The following FTO variants were observed in gnomAD, a reference collection of about 807,000 sequenced individuals.
The protein encoded by FTO is FTO alpha-ketoglutarate dependent dioxygenase, also known as alpha-ketoglutarate-dependent dioxygenase FTO.
FTO carries 47 observed loss-of-function variants against 63.9 expected under a neutral mutation model. The observed-to-expected ratio is 0.74, with a 90% CI of 0.58 to 0.94. The LOEUF (loss-of-function observed/expected upper bound fraction) is 0.94, where lower values mean the gene tolerates loss of function less well. FTO is among the 40% of genes least tolerant of loss of function. The pLI is 0.00. For synonymous variants in FTO, 207 were observed against 224.4 expected (o/e 0.92, Z 0.69); for missense variants, 562 against 618.1 (o/e 0.91, Z 0.96).
At chr16:54,087,788 C>A (rs1173287903) in intron 8 of FTO, among the ~76,000 whole-genome samples, 3 of 152,142 alleles carry the variant, frequency 2.0e-5, no homozygotes, top group Non-Finnish European at 4.4e-5. Flanking sequence ...CCGAGTGAGA[C>A]CCTATCTCTA....
intron 1 of FTO, among the ~76,000 whole-genome samples, chr16:53,789,518 T>G (rs1361630395): frequency 6.6e-6 from 1 of 152,160 alleles, no homozygotes; most frequent in Non-Finnish European, 1.5e-5. Context: ...CTGTTCTAAT[T>G]TCATGATGCC....
chr16:54,061,042 C>G (rs2085557418), intron 8 of FTO, among the ~76,000 whole-genome samples: 1 of 152,204 alleles, frequency 6.6e-6, no homozygotes, highest in African/African-American at 2.4e-5. Context: ...CAGACTCCCA[C>G]TTGCATTTAT....
At chr16:54,077,577 C>G (rs532325073) in intron 8 of FTO, among the ~76,000 whole-genome samples, 1 of 152,256 alleles carries the variant, frequency 6.6e-6, no homozygotes, top group South Asian at 2.1e-4. Context: ...CACCTTAAGA[C>G]ACGGGCAGCG....
At chr16:53,756,970 C>T (rs762624825) in intron 1 of FTO, among the ~76,000 whole-genome samples, 4 of 152,056 alleles carry the variant, frequency 2.6e-5, no homozygotes, top group Non-Finnish European at 5.9e-5. Flanking sequence ...AGTTTTGTAG[C>T]GTTGTTGTTT....
intron 8 of FTO, among the ~76,000 whole-genome samples, chr16:54,017,829 C>G (rs1445466455): frequency 1.3e-5 from 2 of 152,138 alleles, no homozygotes; most frequent in African/African-American, 2.4e-5. Flanking sequence ...GTCTCCCTCT[C>G]TAGACATTTT....
chr16:54,015,222 G>A (rs529717566), intron 8 of FTO, among the ~76,000 whole-genome samples: 1 of 152,084 alleles, frequency 6.6e-6, no homozygotes, highest in Admixed American at 6.6e-5. Flanking sequence ...CCCTTAAACT[G>A]GACATTGTCA....
chr16:53,949,968 G>A (rs1233222138), intron 8 of FTO, among the ~76,000 whole-genome samples: 1 of 151,508 alleles, frequency 6.6e-6, no homozygotes, highest in African/African-American at 2.4e-5. Context: ...ATAGCTGTAC[G>A]TTTATTTACT....
At chr16:53,947,736 C>T (rs371068407) in intron 8 of FTO, among the ~76,000 whole-genome samples, 10 of 152,300 alleles carry the variant, frequency 6.6e-5, no homozygotes, top group East Asian at 1.9e-4. Context: ...TTTCAGCCCT[C>T]GGGGCTTTAG....
intron 8 of FTO, among the ~76,000 whole-genome samples, chr16:53,940,722 C>T (rs891422147): frequency 3.3e-5 from 5 of 152,264 alleles, no homozygotes; most frequent in African/African-American, 9.6e-5. Flanking sequence ...GAAGTTTCTT[C>T]GAAAAGCTTT....
chr16:53,774,095 G>C (rs1021572639), intron 1 of FTO, among the ~76,000 whole-genome samples: 2 of 152,082 alleles, frequency 1.3e-5, no homozygotes, highest in Non-Finnish European at 2.9e-5. Flanking sequence ...GTTTATTTTA[G>C]AATGTGGTCA....
intron 7 of FTO, among the ~76,000 whole-genome samples, chr16:53,913,752 G>A (rs1408557394): frequency 6.6e-6 from 1 of 152,128 alleles, no homozygotes; most frequent in East Asian, 1.9e-4. Context: ...TCTGAGGTGG[G>A]TGGATCACCT....
At chr16:54,100,621 G>A (rs770090789) in intron 8 of FTO, among the ~76,000 whole-genome samples, 19 of 152,102 alleles carry the variant, frequency 1.2e-4, no homozygotes, top group Non-Finnish European at 2.5e-4. Context: ...CCAAAGTGCT[G>A]GGATAACAGA....
rs557421195 is a variant in FTO, at chr16:53,780,158, T to G, written c.46-29982T>G. On this transcript the variant is annotated intron_variant, in intron 1 of 8. Coordinates refer to ENST00000471389, the MANE Select transcript of FTO (RefSeq NM_001080432.3). ...GCTGACAAGACCAGAACAACCTGGG[T>G]TCTATAGCTCTGAGAGCTCACCAGC... 1.1e-4 allele frequency among the ~76,000 whole-genome samples: 17 copies of G among 152,270 alleles called. No individual in the cohort carries two copies. The East Asian group carries it at 2.7e-3, about 24-fold the overall frequency.
intron 1 of FTO, among the ~76,000 whole-genome samples, chr16:53,753,911 C>T (rs1292616728): frequency 2.0e-5 from 3 of 152,152 alleles, no homozygotes; most frequent in Non-Finnish European, 4.4e-5. Context: ...ACCTTCTGAC[C>T]CACAGCCAGA....
rs147516980 is a variant in FTO, at chr16:53,726,195, C to T, written c.45+21966C>T. 3.5e-3 allele frequency among the ~76,000 whole-genome samples: 532 copies of T among 152,212 alleles called. 5 individuals are homozygous for T. The highest frequency in any genetic ancestry group is 0.011 in the African/African-American group (465 of 41,532). ...ATAAACACTCTAAAAAAATATAAAA[C>T]GTGTCGATGAACTACTGTGTACCTA... On this transcript the variant is annotated intron_variant, in intron 1 of 8. Coordinates refer to ENST00000471389, the MANE Select transcript of FTO (RefSeq NM_001080432.3).
chr16:53,972,659 G>C (rs1002035153), intron 8 of FTO, among the ~76,000 whole-genome samples: 2 of 152,184 alleles, frequency 1.3e-5, no homozygotes, highest in African/African-American at 2.4e-5. Flanking sequence ...AGACTCAAAT[G>C]TTGGTGGATA....
At chr16:53,972,678 G>A (rs1020847445) in intron 8 of FTO, among the ~76,000 whole-genome samples, 2 of 152,174 alleles carry the variant, frequency 1.3e-5, no homozygotes, top group African/African-American at 2.4e-5. Flanking sequence ...TAAAGCCTGC[G>A]TGGTTCCCAG....
chr16:54,108,131 T>TA (rs1197159674), intron 8 of FTO, among the ~76,000 whole-genome samples: 4 of 152,086 alleles, frequency 2.6e-5, no homozygotes, highest in Admixed American at 2.0e-4. Flanking sequence ...TGGGAGTAAA[T>TA]ACAGGACAAC....
intron 8 of FTO, among the ~76,000 whole-genome samples, chr16:53,955,114 T>C (rs1006859923): frequency 1.3e-5 from 2 of 152,168 alleles, no homozygotes; most frequent in Non-Finnish European, 2.9e-5. Context: ...ATTAGTGCCA[T>C]TGGAGTCTAG....
Sources: gnomAD v4.1 joint callset for allele counts (sites outside exome capture counted in the v4.1 genomes callset) on GRCh38, gnomAD v4.1.1 for gene constraint, MANE v1.5 for transcripts, NCBI Gene and HGNC (gene_info 2026-07-23, HGNC 2026-07-21) for gene names.